The following CWF19L2 variants were observed in gnomAD, a reference collection of about 807,000 sequenced individuals.
The protein encoded by CWF19L2 is CWF19 like cell cycle control factor 2.
CWF19L2 carries 98 observed loss-of-function variants against 111.7 expected under a neutral mutation model. The ratio of observed to expected loss-of-function variants is 0.88; its 90% CI spans 0.75 to 1.04. CWF19L2 has a LOEUF of 1.04. Among genes scored for constraint, CWF19L2 ranks in the 50% least tolerant of loss-of-function variants. CWF19L2 has a pLI of 0.00. For missense variants in CWF19L2, 1,101 were observed against 1,051.4 expected (o/e 1.05, Z -0.65); for synonymous variants, 351 against 342.9 (o/e 1.02, Z -0.26).
At chr11:107,387,612 A>T (rs1860789317) in intron 12 of CWF19L2, among the ~76,000 whole-genome samples, 1 of 152,096 alleles carries the variant, frequency 6.6e-6, no homozygotes, top group South Asian at 2.1e-4. Context: ...TTCCACAGAC[A>T]GGGTGGCAGG....
At chr11:107,418,359 T>C in intron 8 of CWF19L2, 72 bp from the exon 9 acceptor site, 1 of 973,174 alleles carries the variant, frequency 1.0e-6, no homozygotes, top group Non-Finnish European at 1.7e-6. Context: ...AAGACTCAAA[T>C]GTTATTTTAA....
intron 10 of CWF19L2, among the ~76,000 whole-genome samples, chr11:107,399,448 T>C (rs535623200): frequency 6.6e-6 from 1 of 152,148 alleles, no homozygotes; most frequent in Non-Finnish European, 1.5e-5. Context: ...AAACAAACTT[T>C]AAAGCAACGG....
intron 12 of CWF19L2, among the ~76,000 whole-genome samples, chr11:107,362,922 T>C (rs1395293100): frequency 6.6e-6 from 1 of 151,736 alleles, no homozygotes; most frequent in Non-Finnish European, 1.5e-5. Context: ...TTGAAAACTT[T>C]GAAAAAAATT....
At chr11:107,341,717 T>C (rs1445607491) in intron 14 of CWF19L2, among the ~76,000 whole-genome samples, 1 of 152,140 alleles carries the variant, frequency 6.6e-6, no homozygotes, top group Admixed American at 6.6e-5. Flanking sequence ...CCATCTGGGT[T>C]TGGAGATTTA....
Position 107,408,388 on chromosome 11 carries a change from T to C in CWF19L2, c.1617+7821A>G, listed in dbSNP as rs1861110954. Among the ~76,000 whole-genome samples, 5 of 151,994 alleles carry C rather than the reference T, an allele frequency of 3.3e-5. No homozygotes were observed. In the South Asian group the frequency reaches 6.2e-4, roughly 19 times the overall value. On this transcript the variant is annotated intron_variant, in intron 10 of 17. Transcript: ENST00000282251. ...AGGAGGTCAAGACAAGAGATGATGGTCATCTTAGTGTGGTAGATATAAAAA... is the reference window on the plus strand; with the variant it reads ...AGGAGGTCAAGACAAGAGATGATGGCCATCTTAGTGTGGTAGATATAAAAA...
chr11:107,394,732 T>C (rs1460659106), intron 10 of CWF19L2, among the ~76,000 whole-genome samples: 2 of 152,138 alleles, frequency 1.3e-5, no homozygotes, highest in South Asian at 2.1e-4. Flanking sequence ...AAAGTCACCT[T>C]CACTTTCTCC....
At chr11:107,379,554 T>C (rs1020325741) in intron 12 of CWF19L2, among the ~76,000 whole-genome samples, 1 of 152,228 alleles carries the variant, frequency 6.6e-6, no homozygotes, top group Non-Finnish European at 1.5e-5. Flanking sequence ...AGTTAGGGAG[T>C]TAAACTGATT....
intron 12 of CWF19L2, among the ~76,000 whole-genome samples, chr11:107,386,959 C>A (rs967346381): frequency 1.3e-5 from 2 of 151,398 alleles, no homozygotes; most frequent in Non-Finnish European, 2.9e-5. Flanking sequence ...GAGGCTTAGG[C>A]AGGAGAATCG....
At chr11:107,453,883 C>T (rs1264253300) in intron 3 of CWF19L2, among the ~76,000 whole-genome samples, 2 of 151,944 alleles carry the variant, frequency 1.3e-5, no homozygotes, top group African/African-American at 4.8e-5. Context: ...GCCAGTACTA[C>T]CTGTGGGTCT....
chr11:107,380,745 T>C (rs913512563), intron 12 of CWF19L2, among the ~76,000 whole-genome samples: 1 of 152,182 alleles, frequency 6.6e-6, no homozygotes, highest in East Asian at 1.9e-4. Context: ...CCCAAACAAA[T>C]TGAAAGCAGA....
intron 7 of CWF19L2, among the ~76,000 whole-genome samples, chr11:107,430,671 G>C (rs1861453017): frequency 6.6e-6 from 1 of 152,102 alleles, no homozygotes; most frequent in African/African-American, 2.4e-5. Flanking sequence ...TCAAGGAAAA[G>C]ATGCATCATA....
intron 12 of CWF19L2, among the ~76,000 whole-genome samples, chr11:107,360,856 G>C (rs184663582): frequency 1.1e-4 from 16 of 152,250 alleles, no homozygotes; most frequent in South Asian, 4.1e-4. Flanking sequence ...GCTGAATTGA[G>C]TTCCTTGTAT....
At position 107,433,730 on chromosome 11, in the gene CWF19L2, A is replaced by G. The variant is rs1228931728; in HGVS notation, c.684T>C (p.Gly228=). Residue 228 remains glycine (G), a synonymous_variant, in exon 7 of 18, where the codon GGT becomes GGC. Transcript: ENST00000282251. ...SITKVSVVED[G]GLSWLRKSYL... ...AAGATTTCCTTAGCCAGCTTAATCC[A>G]CCATCTTCTACCACTGAAACTAAAT... 2.6e-6 allele frequency: 4 copies of G among 1,566,178 alleles called. No homozygotes were observed. The highest frequency in any genetic ancestry group is 3.5e-6 in the Non-Finnish European group (4 of 1,150,672).
intron 10 of CWF19L2, among the ~76,000 whole-genome samples, chr11:107,410,212 C>A (rs1179579259): frequency 6.6e-6 from 1 of 152,080 alleles, no homozygotes; most frequent in Non-Finnish European, 1.5e-5. Context: ...CAGAAGTATT[C>A]CATGATTTTC....
At chr11:107,436,163 CAA>C (rs11413713) in intron 6 of CWF19L2, among the ~76,000 whole-genome samples, 8 of 113,062 alleles carry the variant, frequency 7.1e-5, no homozygotes, top group Admixed American at 9.3e-5. Context: ...CCCCCCGACC[CAA>C]AAAAAAAAAA....
At chr11:107,396,100 G>A (rs1194408511) in intron 10 of CWF19L2, among the ~76,000 whole-genome samples, 1 of 152,140 alleles carries the variant, frequency 6.6e-6, no homozygotes, top group Non-Finnish European at 1.5e-5. Context: ...AAGACAGAGT[G>A]CATCTAACCA....
intron 7 of CWF19L2, among the ~76,000 whole-genome samples, chr11:107,432,304 G>A (rs746022682): frequency 4.6e-5 from 7 of 152,194 alleles, no homozygotes; most frequent in South Asian, 2.1e-4. Context: ...TCGGCTGGGC[G>A]CAGTGGCTCA....
intron 4 of CWF19L2, 110 bp downstream of exon 4, chr11:107,442,829 G>GGGGAGGGAGA: frequency 2.0e-6 from 1 of 497,998 alleles, no homozygotes; most frequent in South Asian, 2.3e-5. Flanking sequence ...GGGGAGGGAG[G>GGGGAGGGAGA]GAGAGAGGGA....
chr11:107,403,432 T>G, intron 10 of CWF19L2: 1 of 766,444 alleles, frequency 1.3e-6, no homozygotes, highest in Non-Finnish European at 2.4e-6. Context: ...GTAGGGGATC[T>G]GTCGGTGGCT....
Sources: allele counts gnomAD v4.1 joint callset (sites outside exome capture counted in the v4.1 genomes callset), GRCh38; gene constraint gnomAD v4.1.1; transcripts MANE v1.5; gene names NCBI Gene and HGNC (gene_info 2026-07-23, HGNC 2026-07-21).